DNER: variants seen among roughly 807,000 people sequenced by gnomAD.
The protein encoded by DNER is delta/notch like EGF repeat containing.
In DNER, 33 loss-of-function variants were observed where a neutral mutation model predicts 78.2. That is an observed-to-expected ratio of 0.42 (90% CI 0.32 to 0.56). The LOEUF is 0.56. DNER is among the 20% of genes least tolerant of loss of function. DNER has a pLI of 0.11. For missense variants in DNER, 918 were observed against 975.3 expected (o/e 0.94, Z 0.78); for synonymous variants, 417 against 384.8 (o/e 1.08, Z -0.98).
intron 11 of DNER, among the ~76,000 whole-genome samples, chr2:229,385,113 A>C (rs879595727): frequency 2.0e-5 from 3 of 152,014 alleles, no homozygotes; most frequent in Non-Finnish European, 4.4e-5. Flanking sequence ...AAAAAAAAAA[A>C]AAAAGCTTAT....
intron 7 of DNER, among the ~76,000 whole-genome samples, chr2:229,456,741 A>G (rs1021946883): frequency 1.3e-5 from 2 of 152,048 alleles, no homozygotes; most frequent in African/African-American, 4.8e-5. Flanking sequence ...CCCTTCATCC[A>G]TCCTACCATC....
intron 5 of DNER, among the ~76,000 whole-genome samples, chr2:229,514,719 A>T (rs1695934198): frequency 6.6e-6 from 1 of 152,220 alleles, no homozygotes. Context: ...CTTTTCTAAG[A>T]AAAAGCTGTC....
chr2:229,654,402 A>G (rs539115112), intron 1 of DNER, among the ~76,000 whole-genome samples: 54 of 152,288 alleles, frequency 3.5e-4, no homozygotes, highest in African/African-American at 1.0e-3. Flanking sequence ...ACCAACCCAA[A>G]TGTCCAGCAA....
intron 11 of DNER, among the ~76,000 whole-genome samples, chr2:229,367,582 C>G (rs921976547): frequency 2.0e-4 from 30 of 152,098 alleles, no homozygotes; most frequent in African/African-American, 7.0e-4. Context: ...GCCTGGGCAA[C>G]AGAGTGAGAC....
chr2:229,607,888 G>A lies in DNER; in HGVS notation c.277-16000C>T, dbSNP rs1407039883. ...AAATACAAAATTAACCGGGCATGGT[G>A]GTACATGTATGTAATCCCAGCTACT... On this transcript the variant is annotated intron_variant, in intron 1 of 12. Transcript: ENST00000341772. Among the ~76,000 whole-genome samples the A allele has an allele frequency of 3.3e-5, 5 of 151,978 alleles. No homozygotes were observed. In the East Asian group the frequency reaches 9.7e-4, roughly 29 times the overall value.
At chr2:229,364,844 C>CCT (rs1692306869) in intron 12 of DNER, among the ~76,000 whole-genome samples, 1 of 75,478 alleles carries the variant, frequency 1.3e-5, no homozygotes, top group African/African-American at 5.6e-5. Context: ...CTCTCTCTCT[C>CCT]TTTTTTTTTT....
chr2:229,620,613 A>G (rs1311173531), intron 1 of DNER, among the ~76,000 whole-genome samples: 2 of 152,224 alleles, frequency 1.3e-5, no homozygotes, highest in Non-Finnish European at 2.9e-5. Context: ...TTCCTGATAG[A>G]GTTCCCTGCA....
intron 11 of DNER, among the ~76,000 whole-genome samples, chr2:229,383,524 T>C (rs565983866): frequency 1.2e-4 from 18 of 152,126 alleles, no homozygotes; most frequent in African/African-American, 3.6e-4. Context: ...CCACCTCACA[T>C]GCAAAGACAC....
intron 9 of DNER, among the ~76,000 whole-genome samples, chr2:229,410,014 AG>A (rs1430505615): frequency 6.6e-6 from 1 of 152,056 alleles, no homozygotes; most frequent in Non-Finnish European, 1.5e-5. Context: ...GGAGGTCCCT[AG>A]GCCCCCTCTT....
chr2:229,705,560 C>T (rs1260571884), intron 1 of DNER, among the ~76,000 whole-genome samples: 1 of 152,172 alleles, frequency 6.6e-6, no homozygotes, highest in Non-Finnish European at 1.5e-5. Flanking sequence ...CTTTGAAAGT[C>T]ACAAACCATG....
At chr2:229,479,712 C>CAAAAAAAA (rs1023070502) in intron 6 of DNER, among the ~76,000 whole-genome samples, 6 of 79,658 alleles carry the variant, frequency 7.5e-5, no homozygotes, top group Non-Finnish European at 8.1e-5. Flanking sequence ...GACTTTGTCT[C>CAAAAAAAA]AAAAAAAAAA....
intron 1 of DNER, among the ~76,000 whole-genome samples, chr2:229,629,788 T>A (rs1698404222): frequency 6.6e-6 from 1 of 152,222 alleles, no homozygotes; most frequent in African/African-American, 2.4e-5. Flanking sequence ...TATTTGTCCC[T>A]CTGTGACCGC....
intron 4 of DNER, among the ~76,000 whole-genome samples, chr2:229,554,429 C>T (rs566780183): frequency 2.0e-4 from 31 of 152,250 alleles, no homozygotes; most frequent in African/African-American, 4.8e-4. Context: ...TGATGGCTCA[C>T]GCCTATAATC....
rs1697614016 is a variant in DNER, at chr2:229,591,850, A to C, written c.315T>G (p.His105Gln). Reference protein sequence around the residue: ...ADPCASNPCHHGNCSSSSSSS... With the variant: ...ADPCASNPCHQGNCSSSSSSS... Reference sequence around the variant, plus strand: ...TGCTGCTGCTGCTGCTGCAGTTGCCATGGTGACAAGGGTTGCTGGCACAAG... The same window carrying C: ...TGCTGCTGCTGCTGCTGCAGTTGCCCTGGTGACAAGGGTTGCTGGCACAAG... Residue 105 changes from histidine to glutamine, a missense_variant, in exon 2 of 13, where the codon CAT becomes CAG. His to Gln is a conservative substitution (Grantham distance 24, BLOSUM62 0). Transcript: ENST00000341772. This position sits in a 1 kb window ranked among gnomAD's most constrained non-coding sequence, Gnocchi z 4.6. 6.2e-7 allele frequency: 1 copy of C among 1,609,212 alleles called. No individual in the cohort carries two copies. The highest frequency in any genetic ancestry group is 8.5e-7 in the Non-Finnish European group (1 of 1,177,446).
chr2:229,430,687 A>AATATATATAT (rs58809747), intron 8 of DNER, among the ~76,000 whole-genome samples: 3,612 of 144,560 alleles, frequency 0.025, 50 homozygotes, highest in Non-Finnish European at 0.035. Context: ...ATACTTAGTA[A>AATATATATAT]ATATATATAT....
intron 4 of DNER, among the ~76,000 whole-genome samples, chr2:229,566,050 C>T (rs571898490): frequency 1.3e-5 from 2 of 152,176 alleles, no homozygotes; most frequent in South Asian, 4.2e-4. Context: ...CTATGAATGT[C>T]GAAATAATAA....
chr2:229,703,168 G>T (rs1216356020), intron 1 of DNER, among the ~76,000 whole-genome samples: 2 of 152,040 alleles, frequency 1.3e-5, no homozygotes, highest in Admixed American at 6.6e-5. Context: ...AACTACAGTA[G>T]TCTCAAGATA....
intron 1 of DNER, among the ~76,000 whole-genome samples, chr2:229,648,516 C>T (rs1698758855): frequency 6.6e-6 from 1 of 152,200 alleles, no homozygotes; most frequent in African/African-American, 2.4e-5. Context: ...TTTTGTACCA[C>T]TTGGAAGTGC....
intron 5 of DNER, among the ~76,000 whole-genome samples, chr2:229,536,826 A>T (rs1448141477): frequency 2.0e-5 from 3 of 152,166 alleles, no homozygotes; most frequent in African/African-American, 7.2e-5. Context: ...GGCCACACAC[A>T]GTTCCTGGAG....
Sources: allele counts gnomAD v4.1 joint callset (sites outside exome capture counted in the v4.1 genomes callset), GRCh38; gene constraint gnomAD v4.1.1; non-coding constraint Gnocchi (gnomAD v3.1); transcripts MANE v1.5; gene names NCBI Gene and HGNC (gene_info 2026-07-23, HGNC 2026-07-21).